Variants in GARIN5A observed in about 807,000 individuals in gnomAD.
The protein encoded by GARIN5A is Golgi-associated RAB2 interactor protein 5A.
At chr19:50,473,176 T>A in the GARIN5A span, among the ~76,000 whole-genome samples, 15 of 152,192 alleles carry the variant, frequency 9.9e-5, no homozygotes. Context: ...CAAAATCTGA[T>A]TTGGCCACGA....
At chr19:50,476,133 C>A in the GARIN5A span, 1 of 1,613,374 alleles carries the variant, frequency 6.2e-7, no homozygotes, top group Non-Finnish European at 8.5e-7. Flanking sequence ...CTCTCACCTG[C>A]CATCCCACCT....
the GARIN5A span, chr19:50,467,882 C>T: frequency 8.9e-6 from 14 of 1,569,586 alleles, no homozygotes; most frequent in Admixed American, 1.1e-4. Context: ...GGTCCTCCAG[C>T]ACCGTCGGGG....
chr19:50,472,774 T>C, the GARIN5A span, among the ~76,000 whole-genome samples: 1 of 151,852 alleles, frequency 6.6e-6, no homozygotes, highest in African/African-American at 2.4e-5. Context: ...TGCACACCTG[T>C]AGTCCCAGCT....
chr19:50,470,320 C>T, the GARIN5A span, among the ~76,000 whole-genome samples: 1 of 152,128 alleles, frequency 6.6e-6, no homozygotes, highest in African/African-American at 2.4e-5. Context: ...TTGAGACCAG[C>T]CTGACCAACA....
chr19:50,467,673 G>T, the GARIN5A span: 1 of 1,584,812 alleles, frequency 6.3e-7, no homozygotes. Context: ...AGCGCAGGCG[G>T]TAGAGCAGCC....
At chr19:50,473,751 C>A in the GARIN5A span, among the ~76,000 whole-genome samples, 1 of 152,256 alleles carries the variant, frequency 6.6e-6, no homozygotes, top group Admixed American at 6.5e-5. Flanking sequence ...CTTTGGGAGG[C>A]CCAGGCAGGC....
the GARIN5A span, among the ~76,000 whole-genome samples, chr19:50,468,808 G>A: frequency 1.3e-5 from 2 of 152,152 alleles, no homozygotes; most frequent in Non-Finnish European, 2.9e-5. Context: ...GTTTCACCAT[G>A]TTGGCCAGGC....
At chr19:50,473,847 C>T in the GARIN5A span, among the ~76,000 whole-genome samples, 15 of 151,960 alleles carry the variant, frequency 9.9e-5, no homozygotes, top group Admixed American at 9.8e-4. Flanking sequence ...ATTAGCTGGG[C>T]GTGGTGGCAG....
At chr19:50,471,871 T>C in the GARIN5A span, among the ~76,000 whole-genome samples, 6 of 151,798 alleles carry the variant, frequency 4.0e-5, 1 homozygote, top group South Asian at 4.1e-4. Flanking sequence ...TGTGTATATG[T>C]ATGCATACAT....
chr19:50,471,953 T>C, the GARIN5A span, among the ~76,000 whole-genome samples: 1 of 145,090 alleles, frequency 6.9e-6, no homozygotes, highest in Non-Finnish European at 1.5e-5. Flanking sequence ...TATATATACA[T>C]GTATGTATGT....
chr19:50,475,283 G>A, the GARIN5A span: 1 of 1,537,806 alleles, frequency 6.5e-7, no homozygotes, highest in Non-Finnish European at 8.8e-7. Flanking sequence ...GGTGCCTGGA[G>A]CTGAGGGAGG....
chr19:50,476,476 C>T, the GARIN5A span: 6 of 1,575,270 alleles, frequency 3.8e-6, no homozygotes, highest in African/African-American at 6.8e-5. Flanking sequence ...AGGATGCGGC[C>T]TGTTCCTCCC....
chr19:50,467,828 G>A, the GARIN5A span: 1 of 1,612,902 alleles, frequency 6.2e-7, no homozygotes, highest in Non-Finnish European at 8.5e-7. Flanking sequence ...AAGGGGAACA[G>A]CCTGGGTGGG....
the GARIN5A span, chr19:50,475,767 T>A: frequency 8.4e-7 from 1 of 1,193,378 alleles, no homozygotes; most frequent in African/African-American, 1.5e-5. Flanking sequence ...GCAGGGGCTT[T>A]CCAAGTCAGG....
the GARIN5A span, chr19:50,476,143 T>A: frequency 7.4e-6 from 12 of 1,613,404 alleles, no homozygotes; most frequent in African/African-American, 1.3e-4. Flanking sequence ...CCATCCCACC[T>A]GGTTCCACCT....
the GARIN5A span, chr19:50,475,621 G>A: frequency 1.4e-6 from 1 of 735,540 alleles, no homozygotes; most frequent in Non-Finnish European, 2.2e-6. Context: ...TCATATGGGT[G>A]TGAAGTCAGG....
chr19:50,473,803 A>G, the GARIN5A span, among the ~76,000 whole-genome samples: 1 of 152,178 alleles, frequency 6.6e-6, no homozygotes, highest in Non-Finnish European at 1.5e-5. Context: ...CCTGGCCAAC[A>G]TGGTGAAACC....
the GARIN5A span, chr19:50,476,718 CT>C: frequency 9.1e-7 from 1 of 1,099,932 alleles, no homozygotes; most frequent in Non-Finnish European, 1.2e-6. Context: ...GGTCTTGGGT[CT>C]TTAGGTGAGT....
At chr19:50,476,022 C>T in the GARIN5A span, 1 of 1,603,770 alleles carries the variant, frequency 6.2e-7, no homozygotes, top group East Asian at 2.2e-5. Flanking sequence ...GGGCCCGGCA[C>T]AGCCCCGCGG....
Sources: gnomAD v4.1 joint callset for allele counts (sites outside exome capture counted in the v4.1 genomes callset) on GRCh38, gnomAD v4.1.1 for gene constraint, MANE v1.5 for transcripts, NCBI Gene and HGNC (gene_info 2026-07-23, HGNC 2026-07-21) for gene names.